The following GBF1 variants were observed in gnomAD, a reference collection of about 807,000 sequenced individuals.
GBF1 encodes golgi brefeldin A resistant guanine nucleotide exchange factor 1, also known as Golgi-specific brefeldin A-resistance guanine nucleotide exchange factor 1.
Under a neutral mutation model 210.5 loss-of-function variants are expected in GBF1, and 114 were observed. That is an observed-to-expected ratio of 0.54 (90% confidence interval 0.47 to 0.63). The LOEUF (loss-of-function observed/expected upper bound fraction) is 0.63. Among genes scored for constraint, GBF1 ranks in the 30% least tolerant of loss-of-function variants. The pLI is 0.00. For synonymous variants in GBF1, 850 were observed against 889.2 expected (o/e 0.96, Z 0.78); for missense variants, 1,851 against 2,357.7 (o/e 0.79, Z 4.45).
chr10:102,337,022 T>TA (rs1415713464), intron 3 of GBF1, among the ~76,000 whole-genome samples: 1 of 152,058 alleles, frequency 6.6e-6, no homozygotes, highest in African/African-American at 2.4e-5. Flanking sequence ...ATTCTAGTAA[T>TA]AAAAAAATTG....
upstream of GBF1, among the ~76,000 whole-genome samples, chr10:102,243,672 G>T (rs2070600939): frequency 6.6e-6 from 1 of 152,166 alleles, no homozygotes; most frequent in South Asian, 2.1e-4. Context: ...TGGCTTTGAG[G>T]TAATGTGGAA....
chr10:102,357,446 C>A (rs945334064), intron 8 of GBF1, among the ~76,000 whole-genome samples: 1 of 150,078 alleles, frequency 6.7e-6, no homozygotes, highest in African/African-American at 2.5e-5. Context: ...GAGATCGTGC[C>A]ACTGCACTCC....
intron 3 of GBF1, among the ~76,000 whole-genome samples, chr10:102,270,252 C>T (rs901529089): frequency 1.3e-5 from 2 of 151,832 alleles, no homozygotes; most frequent in Admixed American, 1.3e-4. Flanking sequence ...TCACTGCAAC[C>T]TCCGCCTCCT....
intron 3 of GBF1, among the ~76,000 whole-genome samples, chr10:102,286,194 GTTT>G (rs55904022): frequency 7.9e-6 from 1 of 126,374 alleles, no homozygotes; most frequent in African/African-American, 3.3e-5. Flanking sequence ...AAGCATAAGG[GTTT>G]TTTTTTTTTT....
At chr10:102,299,487 AT>A (rs748030849) in intron 3 of GBF1, among the ~76,000 whole-genome samples, 11 of 152,246 alleles carry the variant, frequency 7.2e-5, no homozygotes, top group South Asian at 2.1e-4. Flanking sequence ...TGTTAAAAAA[AT>A]AAATGTAAAA....
chr10:102,301,637 C>G (rs1190448872), intron 3 of GBF1, among the ~76,000 whole-genome samples: 9 of 146,640 alleles, frequency 6.1e-5, no homozygotes, highest in African/African-American at 2.1e-4. Flanking sequence ...GGGTCGCGGC[C>G]GGGCAGAGGC....
chr10:102,360,010 C>T (rs150413100), intron 11 of GBF1, among the ~76,000 whole-genome samples, 174 bp from the exon 12 acceptor site: 90 of 152,298 alleles, frequency 5.9e-4, no homozygotes, highest in Middle Eastern at 3.4e-3. Context: ...AAACAGTCCT[C>T]CCACCTTAGC....
chr10:102,312,834 C>T (rs1349990039), intron 3 of GBF1, among the ~76,000 whole-genome samples: 2 of 152,116 alleles, frequency 1.3e-5, no homozygotes, highest in Non-Finnish European at 1.5e-5. Context: ...TGGTCTGTTG[C>T]TTTCTCTGTC....
At chr10:102,289,993 C>A (rs1201793093) in intron 3 of GBF1, among the ~76,000 whole-genome samples, 1 of 152,092 alleles carries the variant, frequency 6.6e-6, no homozygotes, top group Non-Finnish European at 1.5e-5. Context: ...TGCCTGTAGT[C>A]CCAGCTACTC....
intron 3 of GBF1, 26 bp from the exon 4 acceptor site, chr10:102,344,025 C>G: frequency 6.2e-7 from 1 of 1,605,564 alleles, no homozygotes; most frequent in Non-Finnish European, 8.5e-7. Flanking sequence ...GATGATACCT[C>G]TTCATTTCTG....
At chr10:102,265,922 G>A (rs1565032683) in intron 3 of GBF1, among the ~76,000 whole-genome samples, 1 of 152,102 alleles carries the variant, frequency 6.6e-6, no homozygotes, top group Non-Finnish European at 1.5e-5. Flanking sequence ...TTGGTTATCA[G>A]GACTGGGGTT....
the GBF1 span, among the ~76,000 whole-genome samples, chr10:102,235,639 A>C: frequency 6.6e-6 from 1 of 152,194 alleles, no homozygotes; most frequent in African/African-American, 2.4e-5. Context: ...TTCCTCACTC[A>C]TTAAACAAAT....
intron 3 of GBF1, among the ~76,000 whole-genome samples, chr10:102,335,206 G>T (rs1485464883): frequency 2.0e-5 from 3 of 152,168 alleles, no homozygotes; most frequent in Admixed American, 6.5e-5. Flanking sequence ...TCCAATGGGG[G>T]GTTAGATTTC....
chr10:102,327,320 G>A (rs1373278615), intron 3 of GBF1, among the ~76,000 whole-genome samples: 1 of 152,190 alleles, frequency 6.6e-6, no homozygotes, highest in Non-Finnish European at 1.5e-5. Context: ...TGGTGGAGAG[G>A]GGAGGGGTGT....
At chr10:102,303,471 C>T (rs2077572584) in intron 3 of GBF1, among the ~76,000 whole-genome samples, 1 of 152,164 alleles carries the variant, frequency 6.6e-6, no homozygotes, top group African/African-American at 2.4e-5. Flanking sequence ...CCTATTTCTC[C>T]TAGAAAAAGC....
chr10:102,367,978 T>A (rs1308595575), intron 21 of GBF1, among the ~76,000 whole-genome samples: 1 of 152,222 alleles, frequency 6.6e-6, no homozygotes, highest in East Asian at 1.9e-4. Flanking sequence ...TCACACCTAG[T>A]AAGAATGTGT....
intron 15 of GBF1, 40 bp downstream of exon 15, chr10:102,362,704 T>C (rs754152407): frequency 1.3e-6 from 2 of 1,485,086 alleles, no homozygotes; most frequent in African/African-American, 1.4e-5. Context: ...CAGTGTTCTA[T>C]GCTTATCCCT....
At chr10:102,349,695 C>G (rs2058810297) in intron 4 of GBF1, among the ~76,000 whole-genome samples, 1 of 152,170 alleles carries the variant, frequency 6.6e-6, no homozygotes, top group Admixed American at 6.5e-5. Context: ...TACTTAGGCT[C>G]CCCCTTTAGA....
At chr10:102,299,481 A>T (rs1163284568) in intron 3 of GBF1, among the ~76,000 whole-genome samples, 2 of 152,184 alleles carry the variant, frequency 1.3e-5, no homozygotes, top group African/African-American at 4.8e-5. Context: ...TTAATTTGTT[A>T]AAAAAATAAA....
Sources: allele counts gnomAD v4.1 joint callset (sites outside exome capture counted in the v4.1 genomes callset), GRCh38; gene constraint gnomAD v4.1.1; transcripts MANE v1.5; gene names NCBI Gene and HGNC (gene_info 2026-07-23, HGNC 2026-07-21).